The following B4GALT2 variants were observed in gnomAD, a reference collection of about 807,000 sequenced individuals.
B4GALT2 encodes the protein N-acetyllactosamine synthase.
B4GALT2 carries 18 observed loss-of-function variants against 33.2 expected under a neutral mutation model. The observed-to-expected ratio is 0.54, with a 90% CI of 0.38 to 0.80. B4GALT2 has a LOEUF of 0.80. Among genes scored for constraint, B4GALT2 ranks in the 30% least tolerant of loss-of-function variants. The pLI is 0.00. For missense variants in B4GALT2, 404 were observed against 526.2 expected, an observed-to-expected ratio of 0.77 and a Z score of 2.27; for synonymous variants, 214 against 217.6, an observed-to-expected ratio of 0.98 and a Z score of 0.15.
Position 43,979,944 on chromosome 1 carries a change from T to C in B4GALT2, c.-53+433T>C. 6.6e-7 allele frequency: 1 copy of C among 1,519,422 alleles called. No homozygotes were observed. The highest frequency in any genetic ancestry group is 8.8e-7 in the Non-Finnish European group (1 of 1,136,444). The allele number at this position is 1,519,422 out of a possible 1,614,324, so 94.1% of individuals were successfully genotyped here. A position where few individuals can be genotyped will look rare whatever the true frequency, so the allele number is the denominator to read the frequency against. On this transcript the variant is annotated intron_variant, in intron 1 of 6. Coordinates refer to ENST00000372324, the MANE Select transcript of B4GALT2 (RefSeq NM_003780.5). The surrounding 1 kb of genome is among the most constrained non-coding windows in gnomAD (Gnocchi z 4.8). ...GGCCGCCAGCCTGACCCAGAACCCC[T>C]GCGCCGGAGGGAGGGTGGGAATGTC... is the stretch of plus-strand genomic sequence containing the variant.
chr1:43,987,458 T>A (rs2154303379), intron 6 of B4GALT2, among the ~76,000 whole-genome samples: 1 of 152,238 alleles, frequency 6.6e-6, no homozygotes, highest in South Asian at 2.1e-4. Context: ...CTGTGAACTC[T>A]CTCTACCTAG....
intron 6 of B4GALT2, among the ~76,000 whole-genome samples, chr1:43,989,106 G>A (rs1406230521): frequency 6.6e-6 from 1 of 152,090 alleles, no homozygotes; most frequent in African/African-American, 2.4e-5. Context: ...CAGCACTTTG[G>A]GTAGTCAAGG....
intron 5 of B4GALT2, 43 bp downstream of exon 5, chr1:43,985,443 A>AGGGG (rs61096284): frequency 7.4e-6 from 3 of 403,488 alleles, no homozygotes; most frequent in Admixed American, 4.5e-5. Flanking sequence ...TGGGGGGGGG[A>AGGGG]GGGGGGGTGC....
intron 6 of B4GALT2, among the ~76,000 whole-genome samples, chr1:43,987,977 G>A (rs1399155043): frequency 2.6e-5 from 4 of 152,108 alleles, no homozygotes; most frequent in Non-Finnish European, 5.9e-5. Context: ...TGTTTTCTCT[G>A]TTACCTGCCT....
intron 1 of B4GALT2, chr1:43,980,553 A>G: frequency 1.0e-6 from 1 of 993,978 alleles, no homozygotes; most frequent in Non-Finnish European, 1.2e-6. Context: ...TGACCAAACC[A>G]CTTCCCACCA....
Position 43,979,553 on chromosome 1 carries a change from A to T in B4GALT2, c.-53+42A>T, listed in dbSNP as rs965019111. On this transcript the variant is annotated intron_variant, in intron 1 of 6. Transcript: ENST00000372324. This position sits in a 1 kb window ranked among gnomAD's most constrained non-coding sequence, Gnocchi z 4.8. ...CGCGGCCCCCACCCAGGGCCCCGAGATTCCAGACCCAGCCCCGCGAGGGGC... is the reference window on the plus strand; with the variant it reads ...CGCGGCCCCCACCCAGGGCCCCGAGTTTCCAGACCCAGCCCCGCGAGGGGC... 1.9e-5 allele frequency: 3 copies of T among 155,640 alleles called. No homozygotes were observed. Among genetic ancestry groups the T allele is most frequent in the African/African-American group, 7.3e-5 (3 of 41,016 alleles). The allele number at this position is 155,640 out of a possible 1,614,324, so 9.6% of individuals were successfully genotyped here.
At position 43,990,594 on chromosome 1, in the gene B4GALT2, C is replaced by A; in HGVS notation, c.*146C>A. Reference sequence around the variant, plus strand: ...TCTTCACTAGGCCCCCTAGCTACACCTGGAAGTTTCAGAACCCACTTTGGG... The same window carrying A: ...TCTTCACTAGGCCCCCTAGCTACACATGGAAGTTTCAGAACCCACTTTGGG... On this transcript the variant is annotated 3_prime_UTR_variant, in exon 7 of 7. Transcript: ENST00000372324. 1.7e-6 allele frequency: 2 copies of A among 1,204,846 alleles called. No individual in the cohort carries two copies. The highest frequency in any genetic ancestry group is 2.3e-6 in the Non-Finnish European group (2 of 872,724). 74.6% of individuals were successfully genotyped at this position (1,204,846 alleles called of 1,614,324 possible). A position where few individuals can be genotyped will look rare whatever the true frequency, so the allele number is the denominator to read the frequency against.
Position 43,990,218 on chromosome 1 carries a change from T to C in B4GALT2, c.969-80T>C, listed in dbSNP as rs893103531. The C allele has an allele frequency of 1.9e-6, 3 of 1,546,608 alleles. No individual in the cohort carries two copies. The African/African-American group carries it at 4.1e-5, about 21-fold the overall frequency. Reference sequence around the variant, plus strand: ...TCCCCTTGGCCAAAAGGGGGTCCATTTAGTTGGTTGGGGGGTGTAGGATTT... The same window carrying C: ...TCCCCTTGGCCAAAAGGGGGTCCATCTAGTTGGTTGGGGGGTGTAGGATTT... On this transcript the variant is annotated intron_variant, in intron 6 of 6. Transcript: ENST00000372324.
At chr1:43,980,293 C>A in intron 1 of B4GALT2, 1 of 419,266 alleles carries the variant, frequency 2.4e-6, no homozygotes, top group Non-Finnish European at 4.1e-6. Flanking sequence ...TCTCCAGGCC[C>A]AAGCATCCCG....
rs749654257 is a variant in B4GALT2, at chr1:43,990,682, AC to A, written c.*239del. ...TCTTTGGAGTCAACCCTCCTTCCCG[AC>A]CCCCTCCCCCTAGCCCAGCCCCAGT... On this transcript the variant is annotated 3_prime_UTR_variant, in exon 7 of 7. Transcript: ENST00000372324. 327 of 530,722 alleles carry A rather than the reference AC, an allele frequency of 6.2e-4. 2 individuals are homozygous for A. Among genetic ancestry groups the A allele is most frequent in the Non-Finnish European group, 2.6e-4 (79 of 302,420 alleles). 32.9% of individuals were successfully genotyped at this position (530,722 alleles called of 1,614,324 possible).
intron 6 of B4GALT2, 32 bp from the exon 7 acceptor site, chr1:43,990,266 G>A (rs1328775929): frequency 1.9e-6 from 3 of 1,612,028 alleles, no homozygotes; most frequent in African/African-American, 1.3e-5. Flanking sequence ...ACAGTTGTTA[G>A]CCCTGATGTG....
chr1:43,985,449 G>A (rs751569507), intron 5 of B4GALT2, 49 bp downstream of exon 5: 4 of 858,754 alleles, frequency 4.7e-6, no homozygotes, highest in East Asian at 2.9e-5. Context: ...GGGGAGGGGG[G>A]GTGCAGACTG....
chr1:43,989,097 A>G (rs995638245), intron 6 of B4GALT2, among the ~76,000 whole-genome samples: 4 of 152,152 alleles, frequency 2.6e-5, no homozygotes, highest in African/African-American at 9.7e-5. Flanking sequence ...CTATAATCCC[A>G]GCACTTTGGG....
Position 43,990,678 on chromosome 1 carries a change from C to A in B4GALT2, c.*230C>A. On this transcript the variant is annotated 3_prime_UTR_variant, in exon 7 of 7. Coordinates refer to ENST00000372324, the MANE Select transcript of B4GALT2 (RefSeq NM_003780.5). ...GCCCTCTTTGGAGTCAACCCTCCTTCCCGACCCCCTCCCCCTAGCCCAGCC... is the reference window on the plus strand; with the variant it reads ...GCCCTCTTTGGAGTCAACCCTCCTTACCGACCCCCTCCCCCTAGCCCAGCC... 1 of 582,896 alleles carries A rather than the reference C, an allele frequency of 1.7e-6. No individual in the cohort carries two copies. The highest frequency in any genetic ancestry group is 3.1e-5 in the Admixed American group (1 of 32,380). The allele number at this position is 582,896 out of a possible 1,614,324, so 36.1% of individuals were successfully genotyped here.
intron 6 of B4GALT2, 108 bp from the exon 7 acceptor site, chr1:43,990,190 G>C (rs1230430225): frequency 7.1e-7 from 1 of 1,400,692 alleles, no homozygotes; most frequent in East Asian, 2.3e-5. Flanking sequence ...AGGTTCCCTG[G>C]GGTCCCCTTG....
Position 43,979,579 on chromosome 1 carries a change from A to AC in B4GALT2, c.-53+72dup, listed in dbSNP as rs2085570650. The AC allele has an allele frequency of 6.4e-6, 1 of 156,298 alleles. No individual in the cohort carries two copies. The highest frequency in any genetic ancestry group is 1.4e-5 in the Non-Finnish European group (1 of 71,658). 9.7% of individuals were successfully genotyped at this position (156,298 alleles called of 1,614,324 possible). A position where few individuals can be genotyped will look rare whatever the true frequency, so the allele number is the denominator to read the frequency against. The stretch of plus-strand genomic sequence containing the variant: ...TTCCAGACCCAGCCCCGCGAGGGGC[A>AC]CCCCGAGCGCGGCCCCGAGATCCCA... On this transcript the variant is annotated intron_variant, in intron 1 of 6. Transcript: ENST00000372324. The surrounding 1 kb of genome is among the most constrained non-coding windows in gnomAD (Gnocchi z 4.8).
chr1:43,985,915 C>T (rs2085654167), intron 6 of B4GALT2: 2 of 475,720 alleles, frequency 4.2e-6, no homozygotes, highest in Admixed American at 3.5e-5. Flanking sequence ...CCTAAATAGT[C>T]ATTGAGTAGA....
intron 1 of B4GALT2, chr1:43,980,095 T>G: frequency 6.9e-7 from 1 of 1,439,276 alleles, no homozygotes; most frequent in South Asian, 1.4e-5. Flanking sequence ...TGTCTGTGAC[T>G]GTAGTTCTCT....
At position 43,979,839 on chromosome 1, in the gene B4GALT2, C is replaced by T. The variant is rs1397984351; in HGVS notation, c.-53+328C>T. 3 of 666,052 alleles carry T rather than the reference C, an allele frequency of 4.5e-6. No homozygotes were observed. The highest frequency in any genetic ancestry group is 5.1e-6 in the Non-Finnish European group (2 of 391,808). The allele number at this position is 666,052 out of a possible 1,614,324, so 41.3% of individuals were successfully genotyped here. A position where few individuals can be genotyped will look rare whatever the true frequency, so the allele number is the denominator to read the frequency against. On this transcript the variant is annotated intron_variant, in intron 1 of 6. Transcript: ENST00000372324. The surrounding 1 kb of genome is among the most constrained non-coding windows in gnomAD (Gnocchi z 4.8). ...TCCCCCTGCCCCCAGGCTCCACACC[C>T]ACCCGGTCTGTGCGGCCTGCCCGTC...
Sources: gnomAD v4.1 joint callset for allele counts (sites outside exome capture counted in the v4.1 genomes callset) on GRCh38, gnomAD v4.1.1 for gene constraint, Gnocchi (gnomAD v3.1) non-coding constraint, MANE v1.5 for transcripts, NCBI Gene and HGNC (gene_info 2026-07-23, HGNC 2026-07-21) for gene names.